The following MTUS2 variants were observed in gnomAD, a reference collection of about 807,000 sequenced individuals.
The protein encoded by MTUS2 is microtubule associated scaffold protein 2.
In MTUS2, 40 loss-of-function variants were observed where a neutral mutation model predicts 114.1. The ratio of observed to expected loss-of-function variants is 0.35; its 90% CI spans 0.27 to 0.46. The LOEUF (loss-of-function observed/expected upper bound fraction) is 0.46, where lower values mean the gene tolerates loss of function less well. Ranked by LOEUF, MTUS2 falls within the 20% of genes least tolerant of loss-of-function variation. The probability of loss-of-function intolerance (pLI) is 1.00; values close to 1 mark genes in which losing one functional copy is unlikely to be tolerated. For missense variants in MTUS2, 1,679 were observed against 1,705.4 expected, an observed-to-expected ratio of 0.98 and a Z score of 0.27; for synonymous variants, 688 against 672.0, an observed-to-expected ratio of 1.02 and a Z score of -0.37.
At chr13:29,253,538 G>A (rs1897197399) in intron 5 of MTUS2, among the ~76,000 whole-genome samples, 1 of 152,098 alleles carries the variant, frequency 6.6e-6, no homozygotes, top group South Asian at 2.1e-4. Flanking sequence ...CCCAGCGTCT[G>A]TCCTGAGCTC....
At chr13:29,365,754 A>G (rs1428176597) in intron 8 of MTUS2, among the ~76,000 whole-genome samples, 1 of 152,098 alleles carries the variant, frequency 6.6e-6, no homozygotes, top group Non-Finnish European at 1.5e-5. Flanking sequence ...GAGGTATGGA[A>G]TGTCACCTGG....
intron 5 of MTUS2, among the ~76,000 whole-genome samples, chr13:29,171,017 T>C (rs1031553476): frequency 1.3e-5 from 2 of 152,190 alleles, no homozygotes; most frequent in Non-Finnish European, 2.9e-5. Flanking sequence ...AGAAATTTCC[T>C]GTACCTTTTC....
At chr13:29,003,442 A>G (rs1357412221) in intron 2 of MTUS2, among the ~76,000 whole-genome samples, 2 of 152,156 alleles carry the variant, frequency 1.3e-5, no homozygotes, top group Admixed American at 6.5e-5. Context: ...TCCCTCTCCT[A>G]TATGCTTCTT....
chr13:29,385,009 CTGTTCGTT>C (rs1872536541), intron 8 of MTUS2, among the ~76,000 whole-genome samples: 1 of 152,170 alleles, frequency 6.6e-6, no homozygotes, highest in East Asian at 1.9e-4. Flanking sequence ...TCACATTTGT[CTGTTCGTT>C]ACATTTGTCG....
At chr13:29,091,347 C>T (rs1343272435) in intron 4 of MTUS2, among the ~76,000 whole-genome samples, 1 of 152,054 alleles carries the variant, frequency 6.6e-6, no homozygotes. Flanking sequence ...ACAAGGGTGC[C>T]ATGGGTGTTT....
intron 2 of MTUS2, among the ~76,000 whole-genome samples, chr13:28,923,461 G>C (rs984168022): frequency 1.3e-5 from 2 of 152,200 alleles, no homozygotes; most frequent in Admixed American, 1.3e-4. Flanking sequence ...ACATTTGTGG[G>C]TTGTGATTCC....
At position 29,504,315 on chromosome 13, in the gene MTUS2, C is replaced by T. The variant is rs760587855; in HGVS notation, c.*1109C>T. On this transcript the variant is annotated 3_prime_UTR_variant, in exon 16 of 16. Transcript: ENST00000612955. ...CCTCAGGCCCCCATTTCCTAGCAGC[C>T]CCCCTTCAGTTTGGTTCTACAACTC... 1.3e-5 allele frequency: 3 copies of T among 232,060 alleles called. No homozygotes were observed. The highest frequency in any genetic ancestry group is 2.6e-5 in the Non-Finnish European group (3 of 117,218). The allele number at this position is 232,060 out of a possible 1,614,324, so 14.4% of individuals were successfully genotyped here. A position where few individuals can be genotyped will look rare whatever the true frequency, so the allele number is the denominator to read the frequency against.
chr13:29,229,034 T>G (rs1237948134), intron 5 of MTUS2, among the ~76,000 whole-genome samples: 2 of 152,156 alleles, frequency 1.3e-5, no homozygotes, highest in Non-Finnish European at 2.9e-5. Context: ...ACGAAGGTCC[T>G]GTTGATTCTG....
chr13:29,219,994 G>A (rs1490150597), intron 5 of MTUS2, among the ~76,000 whole-genome samples: 3 of 149,176 alleles, frequency 2.0e-5, no homozygotes, highest in Non-Finnish European at 4.5e-5. Flanking sequence ...CACTGGAACA[G>A]CACTTTTTTT....
intron 2 of MTUS2, among the ~76,000 whole-genome samples, chr13:28,934,653 A>C (rs1210294353): frequency 6.6e-6 from 1 of 152,094 alleles, no homozygotes; most frequent in East Asian, 1.9e-4. Flanking sequence ...CCTCCTGAGT[A>C]GCTGGGATTA....
chr13:29,388,038 G>A (rs376849908), intron 8 of MTUS2, among the ~76,000 whole-genome samples: 5 of 152,138 alleles, frequency 3.3e-5, no homozygotes, highest in East Asian at 3.9e-4. Flanking sequence ...CCTGTTTACC[G>A]CACACCTATG....
intron 6 of MTUS2, among the ~76,000 whole-genome samples, chr13:29,296,563 C>T (rs1422974933): frequency 2.0e-5 from 3 of 152,080 alleles, no homozygotes; most frequent in Admixed American, 2.0e-4. Flanking sequence ...TTTCCATGCC[C>T]ACCAAGTGTG....
At chr13:29,353,476 T>C (rs139719210) in intron 7 of MTUS2, among the ~76,000 whole-genome samples, 1 of 152,240 alleles carries the variant, frequency 6.6e-6, no homozygotes, top group East Asian at 1.9e-4. Context: ...GATTTTTGTA[T>C]TTTTTATACA....
At chr13:29,240,167 TAAAC>T (rs1180728730) in intron 5 of MTUS2, 1 of 152,100 alleles carries the variant, frequency 6.6e-6, no homozygotes, top group Non-Finnish European at 1.5e-5. Flanking sequence ...ACACAATAAA[TAAAC>T]AGACACATGG....
intron 1 of MTUS2, 135 bp downstream of exon 1, chr13:28,820,746 T>TCTCGTCTC (rs929064499): frequency 7.2e-5 from 11 of 152,284 alleles, no homozygotes; most frequent in African/African-American, 2.7e-4. Flanking sequence ...TGGTTCGGCT[T>TCTCGTCTC]CTCGTCTCCA....
At chr13:29,114,179 C>A in intron 5 of MTUS2, among the ~76,000 whole-genome samples, 1 of 151,966 alleles carries the variant, frequency 6.6e-6, no homozygotes, top group East Asian at 1.9e-4. Context: ...AATAAATTAC[C>A]CAGTCCCAGG....
chr13:28,837,209 A>G (rs751708296), intron 1 of MTUS2, among the ~76,000 whole-genome samples: 1 of 152,226 alleles, frequency 6.6e-6, no homozygotes, highest in Non-Finnish European at 1.5e-5. Flanking sequence ...GAGCACAACA[A>G]TCAGCCTCAG....
chr13:28,878,983 C>T (rs911473585), intron 2 of MTUS2, among the ~76,000 whole-genome samples: 2 of 152,168 alleles, frequency 1.3e-5, no homozygotes, highest in Admixed American at 6.5e-5. Context: ...GCAACCTCAC[C>T]AGCATCTGTT....
chr13:29,502,968 C>T (rs772428103), intron 15 of MTUS2, 25 bp from the exon 16 acceptor site: 1 of 1,610,520 alleles, frequency 6.2e-7, no homozygotes, highest in South Asian at 1.1e-5. Context: ...ATGATTGCTA[C>T]TTATTTGTCA....
Sources: allele counts gnomAD v4.1 joint callset (sites outside exome capture counted in the v4.1 genomes callset), GRCh38; gene constraint gnomAD v4.1.1; transcripts MANE v1.5; gene names NCBI Gene and HGNC (gene_info 2026-07-23, HGNC 2026-07-21).